WNT7B: variants seen among roughly 807,000 people sequenced by gnomAD.
The protein encoded by WNT7B is Wnt family member 7B, also known as protein Wnt-7b.
Under a neutral mutation model 38.2 loss-of-function variants are expected in WNT7B, and 19 were observed. The ratio of observed to expected loss-of-function variants is 0.50; its 90% CI spans 0.35 to 0.73. The LOEUF is 0.73. Ranked by LOEUF, WNT7B falls within the 30% of genes least tolerant of loss-of-function variation. The pLI, the probability that WNT7B is intolerant of heterozygous loss-of-function variation, is 0.01. For synonymous variants in WNT7B, 243 were observed against 209.3 expected, an observed-to-expected ratio of 1.16 and a Z score of -1.39; for missense variants, 423 against 507.9, an observed-to-expected ratio of 0.83 and a Z score of 1.61.
intron 3 of WNT7B, among the ~76,000 whole-genome samples, chr22:45,929,651 TCC>T (rs1931241163): frequency 5.1e-5 from 6 of 117,108 alleles, no homozygotes; most frequent in African/African-American, 2.1e-4. Flanking sequence ...CACTCATCCA[TCC>T]TTCCACCCAC....
rs749826321 is a variant in WNT7B, at chr22:45,976,799, G to A, written c.-45C>T. On this transcript the variant is annotated 5_prime_UTR_variant, in exon 1 of 4. Transcript: ENST00000339464. This position sits in a 1 kb window ranked among gnomAD's most constrained non-coding sequence, Gnocchi z 8.5. ...CGCCATAGACAGCGGCGGCCGGAGG[G>A]GACGCGCGGGCCCGGCAGGGCCGGG... 2 of 1,561,096 alleles carry A rather than the reference G, an allele frequency of 1.3e-6. No homozygotes were observed. The highest frequency in any genetic ancestry group is 1.4e-5 in the African/African-American group (1 of 72,952).
In WNT7B at chr22:45,975,742, C is replaced by T. The variant is rs1932536739; in HGVS notation, c.71+942G>A. ...GGCAGCCGGCGGCGCACAGTAGGCGCGCAGGGCGCGGCGGGGCCCGGGTCC... is the reference window on the plus strand; with the variant it reads ...GGCAGCCGGCGGCGCACAGTAGGCGTGCAGGGCGCGGCGGGGCCCGGGTCC... On this transcript the variant is annotated intron_variant, in intron 1 of 3. Coordinates refer to ENST00000339464, the MANE Select transcript of WNT7B (RefSeq NM_058238.3). The surrounding 1 kb of genome is among the most constrained non-coding windows in gnomAD (Gnocchi z 6.6). 1 of 404,480 alleles carries T rather than the reference C, an allele frequency of 2.5e-6. No individual in the cohort carries two copies. Among genetic ancestry groups the T allele is most frequent in the African/African-American group, 2.1e-5 (1 of 47,878 alleles). 25.1% of individuals were successfully genotyped at this position (404,480 alleles called of 1,614,324 possible).
Position 45,951,171 on chromosome 22 carries a change from G to A in WNT7B, c.72-1025C>T, listed in dbSNP as rs1478550421. On this transcript the variant is annotated intron_variant, in intron 1 of 3. Transcript: ENST00000339464. This position sits in a 1 kb window ranked among gnomAD's most constrained non-coding sequence, Gnocchi z 4.8. Reference sequence around the variant, plus strand: ...CAGCTCACTGCAACCTCCACATTCCGGGTTCAAGCCATCCTTTTGCCTTAG... The same window carrying A: ...CAGCTCACTGCAACCTCCACATTCCAGGTTCAAGCCATCCTTTTGCCTTAG... Among the ~76,000 whole-genome samples, 3 of 152,118 alleles carry A rather than the reference G, an allele frequency of 2.0e-5. No individual in the cohort carries two copies. Among genetic ancestry groups the A allele is most frequent in the Admixed American group, 6.5e-5 (1 of 15,284 alleles).
rs73175081 is a variant in WNT7B at position 45,975,199 on chromosome 22, A to G, written c.71+1485T>C. 0.27 allele frequency among the ~76,000 whole-genome samples: 40,421 copies of G among 152,028 alleles called. 6,593 individuals carry two copies. The highest frequency in any genetic ancestry group is 0.68 in the East Asian group (3,503 of 5,152). On this transcript the variant is annotated intron_variant, in intron 1 of 3. Transcript: ENST00000339464. This position sits in a 1 kb window ranked among gnomAD's most constrained non-coding sequence, Gnocchi z 6.6. The stretch of plus-strand genomic sequence containing the variant: ...TACTCTAGGGGTGCCAGGAGGGGGA[A>G]GGCCTCAGCGCTGAGAATCAGGCTG...
chr22:45,946,316 C>A (rs1306424175), intron 2 of WNT7B, among the ~76,000 whole-genome samples: 1 of 152,234 alleles, frequency 6.6e-6, no homozygotes, highest in Admixed American at 6.5e-5. Context: ...CCTGCGCTCA[C>A]CTCCAGTCTG....
In WNT7B at chr22:45,921,962, CG is replaced by C. The variant is rs1400980158; in HGVS notation, c.*893del. On this transcript the variant is annotated 3_prime_UTR_variant, in exon 4 of 4. Coordinates refer to ENST00000339464, the MANE Select transcript of WNT7B (RefSeq NM_058238.3). ...TTTTAGTAGAGACAGGGTTTCACCA[CG>C]TTGGCCAGGCTGGTCTCGAACTCCT... The C allele has an allele frequency of 2.0e-5, 3 of 152,040 alleles. No individual in the cohort carries two copies. The highest frequency in any genetic ancestry group is 7.2e-5 in the African/African-American group (3 of 41,384). 9.4% of individuals were successfully genotyped at this position (152,040 alleles called of 1,614,324 possible).
At chr22:45,960,747 G>A (rs901692672) in intron 1 of WNT7B, among the ~76,000 whole-genome samples, 2 of 152,260 alleles carry the variant, frequency 1.3e-5, no homozygotes, top group African/African-American at 2.4e-5. Context: ...AAGTAAGTCA[G>A]CAGATACCCG....
intron 1 of WNT7B, among the ~76,000 whole-genome samples, chr22:45,960,267 G>A (rs1024900127): frequency 6.6e-6 from 1 of 152,080 alleles, no homozygotes; most frequent in Non-Finnish European, 1.5e-5. Context: ...CCCCCGACCT[G>A]CTGAGCTCTC....
At chr22:45,955,908 G>A (rs1412289995) in intron 1 of WNT7B, among the ~76,000 whole-genome samples, 1 of 152,192 alleles carries the variant, frequency 6.6e-6, no homozygotes. Flanking sequence ...CCTGGCGCAG[G>A]CTTTGAGCCG....
chr22:45,975,556 C>T lies in WNT7B; in HGVS notation c.71+1128G>A, dbSNP rs1047939093. On this transcript the variant is annotated intron_variant, in intron 1 of 3. Coordinates refer to ENST00000339464, the MANE Select transcript of WNT7B (RefSeq NM_058238.3). This position sits in a 1 kb window ranked among gnomAD's most constrained non-coding sequence, Gnocchi z 6.6. ...CTCAGTTTCTCCACCTGTAAAATGG[C>T]GGGGCAGACATGGGATGGAGGGTGA... 1.4e-6 allele frequency: 1 copy of T among 716,864 alleles called. No individual in the cohort carries two copies. The highest frequency in any genetic ancestry group is 2.6e-6 in the Non-Finnish European group (1 of 384,786). The allele number at this position is 716,864 out of a possible 1,614,324, so 44.4% of individuals were successfully genotyped here. A position where few individuals can be genotyped will look rare whatever the true frequency, so the allele number is the denominator to read the frequency against.
Position 45,965,165 on chromosome 22 carries a change from T to C in WNT7B, c.71+11519A>G, listed in dbSNP as rs947448645. 2.0e-5 allele frequency among the ~76,000 whole-genome samples: 3 copies of C among 152,124 alleles called. No homozygotes were observed. Among genetic ancestry groups the C allele is most frequent in the African/African-American group, 4.8e-5 (2 of 41,404 alleles). Reference sequence around the variant, plus strand: ...ACATCCTCTTCACACCTCCAGGTCTTTGCCCACGTCTGTCCCTTTCCCAGG... The same window carrying C: ...ACATCCTCTTCACACCTCCAGGTCTCTGCCCACGTCTGTCCCTTTCCCAGG... On this transcript the variant is annotated intron_variant, in intron 1 of 3. Coordinates refer to ENST00000339464, the MANE Select transcript of WNT7B (RefSeq NM_058238.3). The surrounding 1 kb of genome is among the most constrained non-coding windows in gnomAD (Gnocchi z 6.5).
rs555768052 is a variant in WNT7B, at chr22:45,971,001, C to A, written c.71+5683G>T. On this transcript the variant is annotated intron_variant, in intron 1 of 3. Coordinates refer to ENST00000339464, the MANE Select transcript of WNT7B (RefSeq NM_058238.3). ...CCGCGGGCCTCGCAGCATCTGGCTG[C>A]GGTTGCGAACTTTTGTTTCAAGATG... Among the ~76,000 whole-genome samples the A allele has an allele frequency of 5.3e-5, 8 of 152,338 alleles. No individual in the cohort carries two copies. The South Asian group carries it at 1.4e-3, about 28-fold the overall frequency.
chr22:45,930,999 C>G (rs1368135787), intron 3 of WNT7B, 99 bp downstream of exon 3: 17 of 1,438,170 alleles, frequency 1.2e-5, no homozygotes, highest in Non-Finnish European at 1.6e-5. Context: ...TACGGAGACT[C>G]AACTGCTTCT....
chr22:45,972,957 C>T (rs551799578), intron 1 of WNT7B, among the ~76,000 whole-genome samples: 36 of 152,368 alleles, frequency 2.4e-4, no homozygotes, highest in Middle Eastern at 6.8e-3. Flanking sequence ...GCCTCTGCCC[C>T]CGTGTGCCCT....
intron 2 of WNT7B, among the ~76,000 whole-genome samples, chr22:45,949,587 G>A (rs1177240051): frequency 1.3e-5 from 2 of 152,182 alleles, no homozygotes; most frequent in East Asian, 1.9e-4. Context: ...CGAAAGAATG[G>A]GCCCCAACCA....
At chr22:45,972,085 G>A (rs971632996) in intron 1 of WNT7B, 6 of 555,542 alleles carry the variant, frequency 1.1e-5, no homozygotes, top group African/African-American at 4.0e-5. Flanking sequence ...TTCCCTGCCC[G>A]CCCGGTTCCA....
At chr22:45,959,130 G>T (rs1172581891) in intron 1 of WNT7B, among the ~76,000 whole-genome samples, 2 of 152,194 alleles carry the variant, frequency 1.3e-5, no homozygotes, top group Non-Finnish European at 2.9e-5. Context: ...GTGACGAGTG[G>T]CTGACAGACA....
chr22:45,949,550 G>A (rs28462317), intron 2 of WNT7B, among the ~76,000 whole-genome samples: 2,354 of 152,046 alleles, frequency 0.015, 53 homozygotes, highest in African/African-American at 0.053. Context: ...GAGGTAACGT[G>A]CCTCCCTCTA....
chr22:45,969,242 C>T (rs1406286554), intron 1 of WNT7B, among the ~76,000 whole-genome samples: 2 of 152,336 alleles, frequency 1.3e-5, no homozygotes, highest in Non-Finnish European at 2.9e-5. Context: ...GGTGAGTAAC[C>T]GCCCCGTCAC....
Sources: gnomAD v4.1 joint callset for allele counts (sites outside exome capture counted in the v4.1 genomes callset) on GRCh38, gnomAD v4.1.1 for gene constraint, Gnocchi (gnomAD v3.1) non-coding constraint, MANE v1.5 for transcripts, NCBI Gene and HGNC (gene_info 2026-07-23, HGNC 2026-07-21) for gene names.